USP30: variants seen among roughly 807,000 people sequenced by gnomAD.
The protein encoded by USP30 is ubiquitin carboxyl-terminal hydrolase 30.
USP30 carries 41 observed loss-of-function variants against 68.2 expected under a neutral mutation model. The observed-to-expected ratio is 0.60, with a 90% CI of 0.47 to 0.78. USP30 has a LOEUF of 0.78. USP30 is among the 30% of genes least tolerant of loss of function. The pLI, the probability that USP30 is intolerant of heterozygous loss-of-function variation, is 0.00. For missense variants in USP30, 522 were observed against 649.4 expected, an observed-to-expected ratio of 0.80 and a Z score of 2.13; for synonymous variants, 229 against 253.7, an observed-to-expected ratio of 0.90 and a Z score of 0.93.
chr12:109,073,203 G>A (rs1342966708), intron 6 of USP30, among the ~76,000 whole-genome samples: 2 of 152,186 alleles, frequency 1.3e-5, no homozygotes, highest in Non-Finnish European at 2.9e-5. Flanking sequence ...TTTTTAAAAT[G>A]TGGCTCTACC....
chr12:109,077,827 G>A (rs554972051), intron 7 of USP30, among the ~76,000 whole-genome samples: 3 of 151,796 alleles, frequency 2.0e-5, no homozygotes, highest in Non-Finnish European at 4.4e-5. Flanking sequence ...GTTTGTGTTG[G>A]GGGGGGAGGG....
intron 3 of USP30, among the ~76,000 whole-genome samples, chr12:109,037,516 A>G (rs1049476835): frequency 5.3e-5 from 8 of 152,120 alleles, no homozygotes; most frequent in African/African-American, 1.9e-4. Context: ...TGAGCATTTT[A>G]TATAATATAA....
chr12:109,056,144 A>T (rs1026917980), intron 1 of USP30, among the ~76,000 whole-genome samples: 1 of 151,726 alleles, frequency 6.6e-6, no homozygotes, highest in South Asian at 2.1e-4. Flanking sequence ...AGTGAGAAGT[A>T]GCCTTTGGAA....
chr12:109,086,299 A>T lies in USP30; in HGVS notation c.*368A>T, dbSNP rs1566111182. 5.6e-6 allele frequency: 1 copy of T among 177,792 alleles called. No individual in the cohort carries two copies. Among genetic ancestry groups the T allele is most frequent in the Admixed American group, 5.8e-5 (1 of 17,128 alleles). 11.0% of individuals were successfully genotyped at this position (177,792 alleles called of 1,614,324 possible). ...TTGTCTAATCAACGTTTCCACTTAGATCTTTTATTTTTAATAAGCAGGCCC... is the reference window on the plus strand; with the variant it reads ...TTGTCTAATCAACGTTTCCACTTAGTTCTTTTATTTTTAATAAGCAGGCCC... On this transcript the variant is annotated 3_prime_UTR_variant, in exon 13 of 13. Transcript: ENST00000257548.
At chr12:109,073,372 A>G (rs1489244589) in intron 6 of USP30, 66 bp from the exon 7 acceptor site, 10 of 1,099,042 alleles carry the variant, frequency 9.1e-6, no homozygotes. Flanking sequence ...CTAGAAAGGA[A>G]GATGAATGTT....
In USP30 at chr12:109,083,152, G is replaced by C. The variant is rs375290579; in HGVS notation, c.1168+90G>C. Reference sequence around the variant, plus strand: ...ACCACCTTCTGGGTCCCTTATGACAGGAGCACAAGGCTTGTACAATGGTGC... The same window carrying C: ...ACCACCTTCTGGGTCCCTTATGACACGAGCACAAGGCTTGTACAATGGTGC... On this transcript the variant is annotated intron_variant, in intron 11 of 12. Coordinates refer to ENST00000257548, the MANE Select transcript of USP30 (RefSeq NM_032663.5). The C allele has an allele frequency of 3.9e-6, 5 of 1,296,468 alleles. No individual in the cohort carries two copies. In the African/African-American group the frequency reaches 7.4e-5, roughly 19 times the overall value. 80.3% of individuals were successfully genotyped at this position (1,296,468 alleles called of 1,614,324 possible). A position where few individuals can be genotyped will look rare whatever the true frequency, so the allele number is the denominator to read the frequency against.
chr12:109,024,449 G>T (rs1593215966), intron 1 of USP30, among the ~76,000 whole-genome samples: 2 of 151,732 alleles, frequency 1.3e-5, no homozygotes, highest in Non-Finnish European at 1.5e-5. Flanking sequence ...ATAGAGAGGG[G>T]GTATCATCAT....
chr12:109,055,400 A>AT (rs869090869), intron 1 of USP30, among the ~76,000 whole-genome samples: 488 of 24,470 alleles, frequency 0.02, 62 homozygotes, highest in Middle Eastern at 0.026. Context: ...ATATATATAT[A>AT]TTTTTTTTTT....
chr12:109,053,101 C>A (rs530480583), intron 1 of USP30: 366 of 218,970 alleles, frequency 1.7e-3, no homozygotes, highest in Non-Finnish European at 2.3e-3. Flanking sequence ...CCTGCCAAGA[C>A]CCCTCAATCC....
At position 109,070,991 on chromosome 12, in the gene USP30, G is replaced by A. The variant is rs2041421006; in HGVS notation, c.481-621G>A. Among the ~76,000 whole-genome samples, 2 of 152,232 alleles carry A rather than the reference G, an allele frequency of 1.3e-5. No homozygotes were observed. The highest frequency in any genetic ancestry group is 4.8e-5 in the African/African-American group (2 of 41,460). On this transcript the variant is annotated intron_variant, in intron 4 of 12. Transcript: ENST00000257548. This position sits in a 1 kb window ranked among gnomAD's most constrained non-coding sequence, Gnocchi z 4.0. The stretch of plus-strand genomic sequence containing the variant: ...TGCAGTATGCTACAACATAGGTGAA[G>A]CTTGAAGACGTTATGCCGAGGAAAA...
chr12:109,065,465 A>C (rs1344599291), intron 3 of USP30, among the ~76,000 whole-genome samples: 7 of 152,254 alleles, frequency 4.6e-5, no homozygotes, highest in Non-Finnish European at 1.0e-4. Flanking sequence ...CAAAGTGTGA[A>C]GGCGGCTGTC....
intron 3 of USP30, among the ~76,000 whole-genome samples, chr12:109,064,900 C>T (rs1009684451): frequency 3.3e-5 from 5 of 152,082 alleles, no homozygotes; most frequent in African/African-American, 9.7e-5. Context: ...AAGGGCTGCC[C>T]GAGGGGTATG....
Position 109,087,088 on chromosome 12 carries a change from G to T in USP30, c.*1157G>T, listed in dbSNP as rs1264031198. 3.9e-5 allele frequency: 6 copies of T among 152,030 alleles called. No homozygotes were observed. Among genetic ancestry groups the T allele is most frequent in the African/African-American group, 1.5e-4 (6 of 41,370 alleles). The allele number at this position is 152,030 out of a possible 1,614,324, so 9.4% of individuals were successfully genotyped here. A position where few individuals can be genotyped will look rare whatever the true frequency, so the allele number is the denominator to read the frequency against. The stretch of plus-strand genomic sequence containing the variant: ...ATTCTGAATTTATTCATTTCCAATA[G>T]CCTAATACAAAAAGTATATATTGAG... On this transcript the variant is annotated 3_prime_UTR_variant, in exon 13 of 13. Coordinates refer to ENST00000257548, the MANE Select transcript of USP30 (RefSeq NM_032663.5).
In USP30 at chr12:109,086,128, G is replaced by T; in HGVS notation, c.*197G>T. On this transcript the variant is annotated 3_prime_UTR_variant, in exon 13 of 13. Coordinates refer to ENST00000257548, the MANE Select transcript of USP30 (RefSeq NM_032663.5). ...TCCCTGAACAGTCCTGTTCATGTGT[G>T]TAGGTGGTTCTGTTGTGTTAAGAAA... 1.5e-6 allele frequency: 1 copy of T among 683,804 alleles called. No individual in the cohort carries two copies. The highest frequency in any genetic ancestry group is 3.1e-5 in the Admixed American group (1 of 32,352). 42.4% of individuals were successfully genotyped at this position (683,804 alleles called of 1,614,324 possible). A position where few individuals can be genotyped will look rare whatever the true frequency, so the allele number is the denominator to read the frequency against.
chr12:109,083,555 C>T (rs1036744908), intron 11 of USP30, among the ~76,000 whole-genome samples: 10 of 152,076 alleles, frequency 6.6e-5, no homozygotes, highest in African/African-American at 2.4e-4. Context: ...TAGCTATTAT[C>T]GCCGGTCTTA....
chr12:109,048,746 A>AAAAAC (rs1555255993), upstream of USP30, among the ~76,000 whole-genome samples: 3 of 151,800 alleles, frequency 2.0e-5, no homozygotes, highest in African/African-American at 4.8e-5. Context: ...TCTCAAAAAA[A>AAAAAC]AAAAAAACAA....
At chr12:109,066,333 TTATAA>T (rs539268495) in intron 3 of USP30, among the ~76,000 whole-genome samples, 186 of 151,456 alleles carry the variant, frequency 1.2e-3, no homozygotes, top group African/African-American at 4.2e-3. Context: ...CTAGAAGTAA[TTATAA>T]TATAAATAAG....
At position 109,055,359 on chromosome 12, in the gene USP30, T is replaced by TAC. The variant is rs1047638490; in HGVS notation, c.84-1313_84-1312dup. 4.0e-4 allele frequency among the ~76,000 whole-genome samples: 50 copies of TAC among 125,140 alleles called. 2 individuals carry two copies. Among genetic ancestry groups the TAC allele is most frequent in the Admixed American group, 8.0e-4 (8 of 10,004 alleles). 82.1% of individuals were successfully genotyped at this position (125,140 alleles called of 152,430 possible). Reference sequence around the variant, plus strand: ...ATTCAATAAATATTTTATATATATATACACACACACATATATATACATATA... The same window carrying TAC: ...ATTCAATAAATATTTTATATATATATACACACACACACATATATATACATATA... On this transcript the variant is annotated intron_variant, in intron 1 of 12. Coordinates refer to ENST00000257548, the MANE Select transcript of USP30 (RefSeq NM_032663.5).
At chr12:109,064,167 C>T (rs2041170424) in intron 3 of USP30, among the ~76,000 whole-genome samples, 1 of 151,938 alleles carries the variant, frequency 6.6e-6, no homozygotes, top group African/African-American at 2.4e-5. Context: ...CCACCACGCT[C>T]AGCATTGTTT....
Sources: allele counts gnomAD v4.1 joint callset (sites outside exome capture counted in the v4.1 genomes callset), GRCh38; gene constraint gnomAD v4.1.1; non-coding constraint Gnocchi (gnomAD v3.1); transcripts MANE v1.5; gene names NCBI Gene and HGNC (gene_info 2026-07-23, HGNC 2026-07-21).